COX5A: variants seen among roughly 807,000 people sequenced by gnomAD.
COX5A encodes the protein cytochrome c oxidase subunit 5A, mitochondrial.
Under a neutral mutation model 16.1 loss-of-function variants are expected in COX5A, and 6 were observed. That is an observed-to-expected ratio of 0.37 (90% CI 0.20 to 0.73). The LOEUF (loss-of-function observed/expected upper bound fraction) is 0.73. COX5A is among the 30% of genes least tolerant of loss of function. The pLI is 0.50. For missense variants in COX5A, 159 were observed against 194.9 expected (o/e 0.82, Z 1.10); for synonymous variants, 73 against 73.8 (o/e 0.99, Z 0.06).
At position 74,929,251 on chromosome 15, in the gene COX5A, A is replaced by G. The variant is rs1206998561; in HGVS notation, c.101-19T>C. ...TGGATAGCTATAATGTGAAAGAACC[A>G]TAACTTCAATGTACACAAATAGTAC... is the stretch of plus-strand genomic sequence containing the variant. On this transcript the variant is annotated intron_variant, in intron 1 of 4. Coordinates refer to ENST00000322347, the MANE Select transcript of COX5A (RefSeq NM_004255.4). 1.4e-6 allele frequency: 2 copies of G among 1,479,584 alleles called. No individual in the cohort carries two copies. Among genetic ancestry groups the G allele is most frequent in the Non-Finnish European group, 1.9e-6 (2 of 1,058,084 alleles). 91.7% of individuals were successfully genotyped at this position (1,479,584 alleles called of 1,614,324 possible). A position where few individuals can be genotyped will look rare whatever the true frequency, so the allele number is the denominator to read the frequency against.
chr15:74,930,813 C>T (rs566088607), intron 1 of COX5A, among the ~76,000 whole-genome samples: 69 of 149,766 alleles, frequency 4.6e-4, no homozygotes, highest in African/African-American at 1.7e-3. Context: ...GTCAGGATAT[C>T]GAAACCATCC....
At chr15:74,931,080 C>T (rs1316598596) in intron 1 of COX5A, among the ~76,000 whole-genome samples, 1 of 135,928 alleles carries the variant, frequency 7.4e-6, no homozygotes, top group Non-Finnish European at 1.6e-5. Context: ...ATAAATTACA[C>T]ATCCTGACAA....
intron 1 of COX5A, among the ~76,000 whole-genome samples, chr15:74,937,398 G>C (rs1849614625): frequency 6.6e-6 from 1 of 152,210 alleles, no homozygotes; most frequent in Admixed American, 6.5e-5. Context: ...TGGCACAGCA[G>C]ACCCTAAAAA....
intron 4 of COX5A, among the ~76,000 whole-genome samples, chr15:74,923,436 GAA>G (rs1406353665): frequency 6.6e-6 from 1 of 151,418 alleles, no homozygotes; most frequent in Non-Finnish European, 1.5e-5. Flanking sequence ...ACGAAAGAAA[GAA>G]AAGAAGGAAA....
At chr15:74,928,040 T>C (rs141138628) in intron 2 of COX5A, among the ~76,000 whole-genome samples, 152 of 152,344 alleles carry the variant, frequency 1.0e-3, no homozygotes, top group Non-Finnish European at 1.7e-3. Flanking sequence ...TTTTATTACT[T>C]CTACTCCAGA....
intron 4 of COX5A, 48 bp downstream of exon 4, chr15:74,923,600 C>T (rs182921467): frequency 5.9e-4 from 650 of 1,105,272 alleles, no homozygotes; most frequent in Non-Finnish European, 8.4e-4. Flanking sequence ...CATCCACCCA[C>T]ACCTCTCTGG....
intron 4 of COX5A, among the ~76,000 whole-genome samples, chr15:74,921,621 T>C (rs1200463648): frequency 6.6e-6 from 1 of 151,716 alleles, no homozygotes; most frequent in East Asian, 1.9e-4. Flanking sequence ...TCCCAGCTAC[T>C]AGGGAGGCTG....
chr15:74,937,881 C>A, intron 1 of COX5A, 34 bp downstream of exon 1: 1 of 1,197,548 alleles, frequency 8.4e-7, no homozygotes. Flanking sequence ...CGCAAGGACA[C>A]GAGGGCGCGG....
intron 1 of COX5A, among the ~76,000 whole-genome samples, chr15:74,931,452 G>A (rs1186492778): frequency 6.6e-6 from 1 of 151,920 alleles, no homozygotes; most frequent in African/African-American, 2.4e-5. Flanking sequence ...GGTGAGGTGA[G>A]ATGATGCCAT....
chr15:74,923,690 G>A lies in COX5A; in HGVS notation c.420C>T (p.Ser140=). 6.2e-7 allele frequency: 1 copy of A among 1,611,502 alleles called. No homozygotes were observed. The highest frequency in any genetic ancestry group is 1.7e-5 in the Admixed American group (1 of 59,994). Residue 140 remains serine, a synonymous_variant, in exon 4 of 5, where the codon TCC becomes TCT. Transcript: ENST00000322347. ...LRPTLNELGI[S]TPEELGLDKV is the part of the protein sequence containing the mutation. The stretch of plus-strand genomic sequence containing the variant: ...TGTCAAGGCCCAGTTCCTCCGGAGT[G>A]GAGATTCCCAGTTCATTTAAAGTTG...
In COX5A at chr15:74,923,283, T is replaced by C. The variant is rs1483212700; in HGVS notation, c.*9+365A>G. ...TACTAAAAATACAAAAATTAGCCAG[T>C]TGTGGTGGCATGTGGCCTGTAGTCC... On this transcript the variant is annotated intron_variant, in intron 4 of 4. Transcript: ENST00000322347. 2.0e-5 allele frequency among the ~76,000 whole-genome samples: 3 copies of C among 151,524 alleles called. 1 individual carries two copies. The highest frequency in any genetic ancestry group is 7.3e-5 in the African/African-American group (3 of 41,264).
intron 1 of COX5A, among the ~76,000 whole-genome samples, chr15:74,931,698 C>A (rs1024835407): frequency 6.6e-6 from 1 of 151,834 alleles, no homozygotes; most frequent in Non-Finnish European, 1.5e-5. Context: ...AGACTACAGG[C>A]GAGCGCCACT....
intron 1 of COX5A, among the ~76,000 whole-genome samples, chr15:74,936,674 T>G (rs1001788024): frequency 1.4e-5 from 2 of 139,972 alleles, no homozygotes; most frequent in African/African-American, 5.4e-5. Context: ...TCGGCCAGGC[T>G]GGAGTGCAAT....
chr15:74,932,531 A>T (rs2065372021), intron 1 of COX5A, among the ~76,000 whole-genome samples: 1 of 152,062 alleles, frequency 6.6e-6, no homozygotes, highest in South Asian at 2.1e-4. Flanking sequence ...AAATTTAAAC[A>T]TTAGTAATAT....
chr15:74,929,703 G>A (rs1443184023), intron 1 of COX5A, among the ~76,000 whole-genome samples: 2 of 152,114 alleles, frequency 1.3e-5, no homozygotes, highest in South Asian at 2.1e-4. Context: ...GTTCAAGGTC[G>A]TAGGGTGCTA....
rs543960931 is a variant in COX5A, at chr15:74,937,945, G to A, written c.70C>T (p.His24Tyr). 47 of 1,233,012 alleles carry A rather than the reference G, an allele frequency of 3.8e-5. No individual in the cohort carries two copies. The Admixed American group carries it at 7.2e-4, about 19-fold the overall frequency. 76.4% of individuals were successfully genotyped at this position (1,233,012 alleles called of 1,614,324 possible). The change falls in exon 1 of 5, where the codon CAC becomes TAC. Residue 24 changes from histidine to tyrosine, a missense_variant. By Grantham distance (83) the His-to-Tyr change is moderately conservative. Transcript: ENST00000322347. ...TTRADPRGLL[H>Y]SARTPGPAVA... ...GCGGGGCCGGGGGTCCGGGCGGAGT[G>A]CAGGAGGCCTCGAGGGTCGGCCCGG...
At chr15:74,927,947 T>C (rs906628112) in intron 2 of COX5A, among the ~76,000 whole-genome samples, 4 of 152,116 alleles carry the variant, frequency 2.6e-5, no homozygotes, top group African/African-American at 7.2e-5. Context: ...CAGAAAATGA[T>C]TGGGCATGAT....
At chr15:74,935,947 G>C (rs2065388029) in intron 1 of COX5A, among the ~76,000 whole-genome samples, 1 of 151,884 alleles carries the variant, frequency 6.6e-6, no homozygotes, top group Non-Finnish European at 1.5e-5. Flanking sequence ...CAAACATCAG[G>C]ATGGCCCAAA....
intron 1 of COX5A, among the ~76,000 whole-genome samples, chr15:74,931,936 TA>T (rs2065369289): frequency 6.6e-6 from 1 of 152,130 alleles, no homozygotes; most frequent in Non-Finnish European, 1.5e-5. Context: ...CTGGAACAGG[TA>T]GGGGGATAGG....
Sources: gnomAD v4.1 joint callset for allele counts (sites outside exome capture counted in the v4.1 genomes callset) on GRCh38, gnomAD v4.1.1 for gene constraint, MANE v1.5 for transcripts, NCBI Gene and HGNC (gene_info 2026-07-23, HGNC 2026-07-21) for gene names.